OIT3: variants seen among roughly 807,000 people sequenced by gnomAD.
OIT3 encodes the protein oncoprotein induced transcript 3.
Under a neutral mutation model 52.2 loss-of-function variants are expected in OIT3, and 41 were observed. The observed-to-expected ratio is 0.79, with a 90% CI of 0.61 to 1.02. OIT3 has a LOEUF of 1.02. OIT3 is among the 50% of genes least tolerant of loss of function. The probability of loss-of-function intolerance (pLI) is 0.00; values close to 1 mark genes in which losing one functional copy is unlikely to be tolerated. For missense variants in OIT3, 634 were observed against 715.5 expected, an observed-to-expected ratio of 0.89 and a Z score of 1.30; for synonymous variants, 244 against 276.9, an observed-to-expected ratio of 0.88 and a Z score of 1.18.
At chr10:72,928,593 T>C (rs879835917) in intron 7 of OIT3, among the ~76,000 whole-genome samples, 4 of 152,218 alleles carry the variant, frequency 2.6e-5, no homozygotes, top group Non-Finnish European at 5.9e-5. Context: ...GATACTGGAC[T>C]GTAAACTCCT....
At chr10:72,919,752 A>G (rs1846106026) in intron 6 of OIT3, among the ~76,000 whole-genome samples, 1 of 152,132 alleles carries the variant, frequency 6.6e-6, no homozygotes, top group Non-Finnish European at 1.5e-5. Flanking sequence ...AATCACATTT[A>G]TTGATTTGCA....
intron 8 of OIT3, among the ~76,000 whole-genome samples, chr10:72,930,847 A>T (rs1368361743): frequency 6.6e-6 from 1 of 152,018 alleles, no homozygotes; most frequent in East Asian, 1.9e-4. Context: ...TGTTCCCCTC[A>T]TACCACCTGC....
intron 7 of OIT3, among the ~76,000 whole-genome samples, 200 bp downstream of exon 7, chr10:72,924,844 G>T (rs1157498964): frequency 2.0e-5 from 3 of 152,118 alleles, no homozygotes; most frequent in Non-Finnish European, 4.4e-5. Context: ...AGGTGCAGTG[G>T]TTCACACCTG....
chr10:72,930,097 G>A lies in OIT3; in HGVS notation c.1368-441G>A, dbSNP rs546608725. Among the ~76,000 whole-genome samples the A allele has an allele frequency of 5.3e-5, 8 of 152,320 alleles. No individual in the cohort carries two copies. The South Asian group carries it at 1.7e-3, about 32-fold the overall frequency. ...CCTAACTTTTGTATCCCCTTCAGTA[G>A]TCAGTTGCTATTAGGTGTCCAATAC... On this transcript the variant is annotated intron_variant, in intron 7 of 8. Coordinates refer to ENST00000334011, the MANE Select transcript of OIT3 (RefSeq NM_152635.3).
chr10:72,907,774 C>A (rs1845993467), intron 4 of OIT3, among the ~76,000 whole-genome samples: 1 of 152,056 alleles, frequency 6.6e-6, no homozygotes. Flanking sequence ...ACTTTTAGAT[C>A]TATTTTTAAT....
intron 6 of OIT3, among the ~76,000 whole-genome samples, chr10:72,916,601 CTT>C (rs1846075203): frequency 6.6e-6 from 1 of 152,150 alleles, no homozygotes. Flanking sequence ...GATTCCATGT[CTT>C]TGCTCTTGTG....
At position 72,930,023 on chromosome 10, in the gene OIT3, T is replaced by C. The variant is rs1846202487; in HGVS notation, c.1368-515T>C. 2.0e-5 allele frequency among the ~76,000 whole-genome samples: 3 copies of C among 152,214 alleles called. No homozygotes were observed. In the East Asian group the frequency reaches 5.8e-4, roughly 29 times the overall value. On this transcript the variant is annotated intron_variant, in intron 7 of 8. Transcript: ENST00000334011. ...TTTTACCCAATAGAACCAGTTATTATCTAAGAAACTTGGATATTTATGTCA... is the reference window on the plus strand; with the variant it reads ...TTTTACCCAATAGAACCAGTTATTACCTAAGAAACTTGGATATTTATGTCA...
chr10:72,925,036 G>A (rs1336137416), intron 7 of OIT3, among the ~76,000 whole-genome samples: 3 of 151,416 alleles, frequency 2.0e-5, no homozygotes, highest in Admixed American at 6.6e-5. Flanking sequence ...GCTTGAACCC[G>A]GGAGGTGGAG....
At chr10:72,913,197 T>C (rs762332794) in intron 5 of OIT3, 111 bp from the exon 6 acceptor site, 11 of 785,506 alleles carry the variant, frequency 1.4e-5, no homozygotes, top group Admixed American at 9.9e-5. Flanking sequence ...TCTGATTTCC[T>C]TGGGGATGGA....
At chr10:72,932,232 G>C (rs1242051791) in intron 8 of OIT3, 122 bp from the exon 9 acceptor site, 21 of 876,554 alleles carry the variant, frequency 2.4e-5, no homozygotes, top group Non-Finnish European at 3.9e-5. Flanking sequence ...AACTCTACTT[G>C]TGGATGTCCT....
chr10:72,920,811 C>A (rs1016319277), intron 6 of OIT3, among the ~76,000 whole-genome samples: 6 of 152,086 alleles, frequency 3.9e-5, no homozygotes, highest in African/African-American at 1.4e-4. Flanking sequence ...GATTTCAGTT[C>A]TTTTGCATTT....
chr10:72,906,111 C>T (rs1169768229), intron 3 of OIT3, among the ~76,000 whole-genome samples: 1 of 152,086 alleles, frequency 6.6e-6, no homozygotes, highest in Non-Finnish European at 1.5e-5. Flanking sequence ...TGAGAATATA[C>T]TAATTTAAAA....
chr10:72,903,055 G>T (rs915388191), intron 3 of OIT3, among the ~76,000 whole-genome samples: 1 of 152,016 alleles, frequency 6.6e-6, no homozygotes, highest in African/African-American at 2.4e-5. Context: ...ATTGTAGACA[G>T]TGTTTTGTGT....
chr10:72,912,576 A>G (rs534099202), intron 5 of OIT3, among the ~76,000 whole-genome samples: 3 of 152,170 alleles, frequency 2.0e-5, no homozygotes, highest in African/African-American at 7.2e-5. Context: ...TGGCCTGGAA[A>G]TCTAGTTCTT....
At chr10:72,917,164 A>C (rs1239983431) in intron 6 of OIT3, among the ~76,000 whole-genome samples, 1 of 152,064 alleles carries the variant, frequency 6.6e-6, no homozygotes, top group East Asian at 1.9e-4. Flanking sequence ...CTTTAGTTTA[A>C]TTAGATCCCA....
intron 1 of OIT3, among the ~76,000 whole-genome samples, chr10:72,895,478 C>G (rs1845867689): frequency 6.6e-6 from 1 of 151,976 alleles, no homozygotes; most frequent in African/African-American, 2.4e-5. Flanking sequence ...CTGGTGTTTG[C>G]CCTGAGAGGA....
chr10:72,926,807 T>A (rs1846173414), intron 7 of OIT3, among the ~76,000 whole-genome samples: 1 of 152,210 alleles, frequency 6.6e-6, no homozygotes, highest in African/African-American at 2.4e-5. Context: ...CTAGGTTTAC[T>A]TTTTTTGCAG....
intron 4 of OIT3, 104 bp from the exon 5 acceptor site, chr10:72,911,613 A>G: frequency 8.1e-7 from 1 of 1,238,802 alleles, no homozygotes; most frequent in Non-Finnish European, 1.1e-6. Flanking sequence ...GTTAGGCACC[A>G]GGGATGCTGC....
At position 72,930,548 on chromosome 10, in the gene OIT3, G is replaced by GA. The variant is rs1458485826; in HGVS notation, c.1379dup (p.Asp460GlufsTer2). ...CTGCCCTACTTTCAGCTGTGTTTCAGATGACTCGGTAAAGCAGTACACATC... is the reference window on the plus strand; with the variant it reads ...CTGCCCTACTTTCAGCTGTGTTTCAGAATGACTCGGTAAAGCAGTACACATC... On this transcript the variant is annotated frameshift_variant, in exon 8 of 9. Coordinates refer to ENST00000334011, the MANE Select transcript of OIT3 (RefSeq NM_152635.3). LOFTEE classifies it high-confidence loss of function. 3.7e-6 allele frequency: 6 copies of GA among 1,612,328 alleles called. No individual in the cohort carries two copies. In the Admixed American group the frequency reaches 8.3e-5, roughly 22 times the overall value.
Sources: gnomAD v4.1 joint callset for allele counts (sites outside exome capture counted in the v4.1 genomes callset) on GRCh38, gnomAD v4.1.1 for gene constraint, MANE v1.5 for transcripts, NCBI Gene and HGNC (gene_info 2026-07-23, HGNC 2026-07-21) for gene names.